Variants in BLM observed in about 807,000 individuals in gnomAD.
The protein encoded by BLM is recQ-like DNA helicase BLM.
BLM carries 95 observed loss-of-function variants against 135.3 expected under a neutral mutation model. That is an observed-to-expected ratio of 0.70 (90% CI 0.59 to 0.83). The LOEUF is 0.83. Ranked by LOEUF, BLM falls within the 40% of genes least tolerant of loss-of-function variation. The pLI is 0.00. For missense variants in BLM, 1,518 were observed against 1,663.9 expected, an observed-to-expected ratio of 0.91 and a Z score of 1.53; for synonymous variants, 520 against 589.2, an observed-to-expected ratio of 0.88 and a Z score of 1.70.
chr15:90,788,651 G>A (rs1896819633), intron 14 of BLM, among the ~76,000 whole-genome samples: 1 of 151,946 alleles, frequency 6.6e-6, no homozygotes, highest in African/African-American at 2.4e-5. Context: ...AGGAAAACAT[G>A]TAAAAACAAT....
intron 17 of BLM, among the ~76,000 whole-genome samples, chr15:90,799,264 G>A (rs901110933): frequency 1.3e-5 from 2 of 151,834 alleles, no homozygotes; most frequent in East Asian, 1.9e-4. Flanking sequence ...GGGAGAGAGG[G>A]GAGAGAAGAC....
At position 90,814,628 on chromosome 15, in the gene BLM, C is replaced by T. The variant is rs535317431; in HGVS notation, c.4077-474C>T. Among the ~76,000 whole-genome samples the T allele has an allele frequency of 3.9e-5, 6 of 152,300 alleles. No individual in the cohort carries two copies. In the South Asian group the frequency reaches 1.2e-3, roughly 32 times the overall value. ...TGCCACTCCTGGCCACCCAGCTCCACCCCATGCATGCTCACCCCACAGCTG... is the reference window on the plus strand; with the variant it reads ...TGCCACTCCTGGCCACCCAGCTCCATCCCATGCATGCTCACCCCACAGCTG... On this transcript the variant is annotated intron_variant, in intron 21 of 21. Transcript: ENST00000355112.
At position 90,749,375 on chromosome 15, in the gene BLM, CT is replaced by C; in HGVS notation, c.111del (p.Phe37LeufsTer13). 6.2e-7 allele frequency: 1 copy of C among 1,601,114 alleles called. No individual in the cohort carries two copies. The highest frequency in any genetic ancestry group is 8.5e-7 in the Non-Finnish European group (1 of 1,169,594). On this transcript the variant is annotated frameshift_variant, in exon 3 of 22. Transcript: ENST00000355112. LOFTEE classifies it high-confidence loss of function. ...SLSKPKFSGF[T>X]FKKKTSSDNN... Reference sequence around the variant, plus strand: ...TTTCCATTATTTTTCAGAGGTTTCACTTTTAAAAAGAAAACATCTTCAGATA... The same window carrying C: ...TTTCCATTATTTTTCAGAGGTTTCACTTTAAAAAGAAAACATCTTCAGATA...
chr15:90,735,236 A>AATATATATATATATAT lies in BLM; in HGVS notation c.-4-12132_-4-12117dup, dbSNP rs60589046. ...ACAACATCATAAAAGTGCCTAAGTT[A>AATATATATATATATAT]ATATATATATATATATATATATATA... On this transcript the variant is annotated intron_variant, in intron 1 of 21. Coordinates refer to ENST00000355112, the MANE Select transcript of BLM (RefSeq NM_000057.4). Among the ~76,000 whole-genome samples the AATATATATATATATAT allele has an allele frequency of 3.1e-3, 339 of 108,112 alleles. 2 individuals are homozygous for AATATATATATATATAT. The highest frequency in any genetic ancestry group is 7.0e-3 in the African/African-American group (197 of 28,164). The allele number at this position is 108,112 out of a possible 152,430, so 70.9% of individuals were successfully genotyped here. A position where few individuals can be genotyped will look rare whatever the true frequency, so the allele number is the denominator to read the frequency against.
intron 12 of BLM, among the ~76,000 whole-genome samples, chr15:90,777,474 CTA>C (rs978115563): frequency 3.8e-4 from 58 of 152,288 alleles, no homozygotes; most frequent in African/African-American, 1.4e-3. Flanking sequence ...TTCACATAAA[CTA>C]TTTAGTACAC....
At position 90,793,583 on chromosome 15, in the gene BLM, G is replaced by A. The variant is rs28385095; in HGVS notation, c.3020-584G>A. On this transcript the variant is annotated intron_variant, in intron 15 of 21. Coordinates refer to ENST00000355112, the MANE Select transcript of BLM (RefSeq NM_000057.4). Reference sequence around the variant, plus strand: ...TACTTCTTTTTATCATAGCAACTGCGAAAAACCCAGCTTTGCAAAGATGAG... The same window carrying A: ...TACTTCTTTTTATCATAGCAACTGCAAAAAACCCAGCTTTGCAAAGATGAG... Among the ~76,000 whole-genome samples the A allele has an allele frequency of 5.3e-5, 8 of 151,964 alleles. No homozygotes were observed. The South Asian group carries it at 8.3e-4, about 16-fold the overall frequency.
At chr15:90,729,983 T>C (rs1437169842) in intron 1 of BLM, among the ~76,000 whole-genome samples, 1 of 152,050 alleles carries the variant, frequency 6.6e-6, no homozygotes, top group Non-Finnish European at 1.5e-5. Context: ...GTAGCTGGGA[T>C]TACAGGTACG....
intron 5 of BLM, among the ~76,000 whole-genome samples, chr15:90,759,294 G>T (rs1468528233): frequency 1.3e-5 from 2 of 151,992 alleles, no homozygotes; most frequent in African/African-American, 2.4e-5. Flanking sequence ...GGGCACAGTG[G>T]CTCACACCTG....
Position 90,769,301 on chromosome 15 carries a change from A to C in BLM, c.2406+70A>C. On this transcript the variant is annotated intron_variant, in intron 11 of 21. Transcript: ENST00000355112. ...TACCAACAATATATGTATTTACTGA[A>C]TAAAAACCCACACTGAGTGAACGAG... 12 of 1,541,036 alleles carry C rather than the reference A, an allele frequency of 7.8e-6. No homozygotes were observed. The South Asian group carries it at 1.3e-4, about 17-fold the overall frequency.
intron 16 of BLM, among the ~76,000 whole-genome samples, chr15:90,796,457 A>G (rs958386701): frequency 1.3e-5 from 2 of 152,152 alleles, no homozygotes; most frequent in East Asian, 3.8e-4. Flanking sequence ...TGTCACAACG[A>G]CTCACAGCTT....
intron 16 of BLM, among the ~76,000 whole-genome samples, chr15:90,794,959 G>T (rs939769478): frequency 1.3e-5 from 2 of 151,840 alleles, no homozygotes; most frequent in Non-Finnish European, 2.9e-5. Context: ...CCCTTGGAAG[G>T]TTGTTAAATT....
At chr15:90,777,505 T>C (rs1426714026) in intron 12 of BLM, among the ~76,000 whole-genome samples, 1 of 152,150 alleles carries the variant, frequency 6.6e-6, no homozygotes, top group Non-Finnish European at 1.5e-5. Context: ...ACAACTATTG[T>C]CAATTCCAAA....
intron 1 of BLM, among the ~76,000 whole-genome samples, chr15:90,733,206 C>T (rs1023710021): frequency 1.1e-4 from 17 of 152,146 alleles, no homozygotes; most frequent in Admixed American, 1.1e-3. Context: ...TAAGTAACCA[C>T]TGACACAGGA....
At position 90,757,364 on chromosome 15, in the gene BLM, G is replaced by C. The variant is rs77765065; in HGVS notation, c.1087+2426G>C. 4.8e-3 allele frequency among the ~76,000 whole-genome samples: 725 copies of C among 152,242 alleles called. 9 individuals are homozygous for C. Among genetic ancestry groups the C allele is most frequent in the African/African-American group, 0.016 (684 of 41,536 alleles). On this transcript the variant is annotated intron_variant, in intron 5 of 21. Transcript: ENST00000355112. ...TCCTTTGTACTCTGAGGTATAATCT[G>C]TCTAGACAAGGAGTCTTGGGCTAGT...
intron 14 of BLM, chr15:90,790,219 C>G (rs1896870332): frequency 8.1e-6 from 2 of 246,240 alleles, no homozygotes; most frequent in Non-Finnish European, 1.6e-5. Context: ...GCAGTGACCT[C>G]TGAGGAGCCC....
chr15:90,760,681 T>C lies in BLM; in HGVS notation c.1308T>C (p.Asp436=), dbSNP rs140178590. The change falls in exon 7 of 22, where the codon GAT becomes GAC. Residue 436 remains aspartate (D), a synonymous_variant. Coordinates refer to ENST00000355112, the MANE Select transcript of BLM (RefSeq NM_000057.4). ...SLWRYRPDSL[D]GPMEGDSCPT... Reference sequence around the variant, plus strand: ...GGAGATACAGGCCTGATTCACTTGATGGCCCTATGGAGGGTGATTCCTGCC... The same window carrying C: ...GGAGATACAGGCCTGATTCACTTGACGGCCCTATGGAGGGTGATTCCTGCC... The C allele has an allele frequency of 7.4e-6, 12 of 1,613,920 alleles. No homozygotes were observed. In the East Asian group the frequency reaches 8.9e-5, roughly 12 times the overall value.
chr15:90,729,789 A>T (rs1039043767), intron 1 of BLM, among the ~76,000 whole-genome samples: 1 of 152,208 alleles, frequency 6.6e-6, no homozygotes, highest in Non-Finnish European at 1.5e-5. Context: ...GGAGATGGGG[A>T]TAGTGGTGGT....
chr15:90,749,525 T>G lies in BLM; in HGVS notation c.257T>G (p.Val86Gly). ...PLPNTTNQQRVKDFFKNAPAG... is the reference protein window; with the variant it reads ...PLPNTTNQQRGKDFFKNAPAG... Reference sequence around the variant, plus strand: ...CCCAACACCACAAATCAGCAAAGGGTCAAGGACTTCTTTAAAAATGCTCCA... The same window carrying G: ...CCCAACACCACAAATCAGCAAAGGGGCAAGGACTTCTTTAAAAATGCTCCA... Residue 86 changes from valine to glycine, a missense_variant, in exon 3 of 22, where the codon GTC becomes GGC. This residue lies in a region of BLM where 724 missense variants were observed against 756.9 expected (regional missense o/e 0.96). Coordinates refer to ENST00000355112, the MANE Select transcript of BLM (RefSeq NM_000057.4). 1 of 1,614,066 alleles carries G rather than the reference T, an allele frequency of 6.2e-7. No individual in the cohort carries two copies. The highest frequency in any genetic ancestry group is 8.5e-7 in the Non-Finnish European group (1 of 1,180,010).
chr15:90,749,925 T>G lies in BLM; in HGVS notation c.657T>G (p.Asp219Glu), dbSNP rs1447056195. ...PPPSSESEQI[D>E]LTEEQKDDSE... ...CCTCCTCTGAAAGCGAGCAAATAGA[T>G]TTGACTGAGGAACAGAAGGATGACT... is the stretch of plus-strand genomic sequence containing the variant. The change falls in exon 3 of 22, where the codon GAT (aspartate) becomes GAG (glutamate). Residue 219 changes from aspartate to glutamate, a missense_variant. Coordinates refer to ENST00000355112, the MANE Select transcript of BLM (RefSeq NM_000057.4). The G allele has an allele frequency of 1.9e-6, 3 of 1,613,624 alleles. No individual in the cohort carries two copies. Among genetic ancestry groups the G allele is most frequent in the Admixed American group, 1.7e-5 (1 of 60,006 alleles).
Sources: allele counts gnomAD v4.1 joint callset (sites outside exome capture counted in the v4.1 genomes callset), GRCh38; gene constraint gnomAD v4.1.1; regional missense constraint gnomAD v4.1.1; transcripts MANE v1.5; gene names NCBI Gene and HGNC (gene_info 2026-07-23, HGNC 2026-07-21).